SLC35F2: variants seen among roughly 807,000 people sequenced by gnomAD.
SLC35F2 encodes queuine/queuosine transporter SLC35F2.
In SLC35F2, 25 loss-of-function variants were observed where a neutral mutation model predicts 38.1. The ratio of observed to expected loss-of-function variants is 0.66; its 90% CI spans 0.48 to 0.92. The LOEUF (loss-of-function observed/expected upper bound fraction) is 0.92. Ranked by LOEUF, SLC35F2 falls within the 40% of genes least tolerant of loss-of-function variation. The probability of loss-of-function intolerance (pLI) is 0.00; values close to 1 mark genes in which losing one functional copy is unlikely to be tolerated. For synonymous variants in SLC35F2, 173 were observed against 181.7 expected (o/e 0.95, Z 0.38); for missense variants, 409 against 452.9 (o/e 0.90, Z 0.88).
chr11:107,796,767 C>G (rs567047666), intron 7 of SLC35F2, among the ~76,000 whole-genome samples: 1 of 152,276 alleles, frequency 6.6e-6, no homozygotes, highest in Non-Finnish European at 1.5e-5. Context: ...CTCCCAGGCT[C>G]AAGCAATCCT....
At chr11:107,807,219 G>A (rs1435538514) in intron 3 of SLC35F2, among the ~76,000 whole-genome samples, 1 of 140,140 alleles carries the variant, frequency 7.1e-6, no homozygotes, top group African/African-American at 2.6e-5. Context: ...CAGACTGCTT[G>A]AGTCCAGGAG....
intron 7 of SLC35F2, among the ~76,000 whole-genome samples, chr11:107,798,512 T>G (rs956073161): frequency 6.6e-6 from 1 of 152,174 alleles, no homozygotes; most frequent in African/African-American, 2.4e-5. Context: ...ATAAAGAGAT[T>G]AAGTCTCCTG....
At chr11:107,857,226 G>A (rs12418982) in intron 1 of SLC35F2, among the ~76,000 whole-genome samples, 1,648 of 147,088 alleles carry the variant, frequency 0.011, 17 homozygotes, top group Admixed American at 0.041. Context: ...AAAGAAGGAG[G>A]GAGGGAGGGA....
intron 1 of SLC35F2, among the ~76,000 whole-genome samples, chr11:107,843,587 G>A (rs957924937): frequency 6.6e-6 from 1 of 151,556 alleles, no homozygotes; most frequent in African/African-American, 2.4e-5. Context: ...TGAGCAGAGT[G>A]GCTCACGCCT....
chr11:107,806,414 A>G (rs1414706963), intron 4 of SLC35F2, among the ~76,000 whole-genome samples: 15 of 152,246 alleles, frequency 9.9e-5, no homozygotes. Flanking sequence ...ATCCAAAGAG[A>G]CACTTAACTC....
chr11:107,807,686 GCCTCA>G (rs1859419823), intron 3 of SLC35F2, among the ~76,000 whole-genome samples: 4 of 151,636 alleles, frequency 2.6e-5, no homozygotes, highest in Non-Finnish European at 5.9e-5. Context: ...AATTCTTCCT[GCCTCA>G]GCCTCCCAAG....
chr11:107,842,919 C>T (rs1197743778), intron 1 of SLC35F2, among the ~76,000 whole-genome samples: 2 of 152,098 alleles, frequency 1.3e-5, no homozygotes, highest in Non-Finnish European at 2.9e-5. Flanking sequence ...AAATGCCCAT[C>T]AACAGCATGA....
intron 1 of SLC35F2, among the ~76,000 whole-genome samples, chr11:107,856,423 G>A (rs1334726766): frequency 2.6e-5 from 4 of 152,212 alleles, no homozygotes; most frequent in East Asian, 1.9e-4. Flanking sequence ...GGCTGGGCGC[G>A]GTGGCTCACG....
intron 1 of SLC35F2, among the ~76,000 whole-genome samples, chr11:107,837,921 C>G (rs933093110): frequency 2.9e-5 from 4 of 135,698 alleles, no homozygotes; most frequent in Admixed American, 2.4e-4. Flanking sequence ...CCACCTTATA[C>G]ACACATAGTC....
intron 7 of SLC35F2, chr11:107,793,002 C>T: frequency 1.3e-6 from 1 of 775,090 alleles, no homozygotes; most frequent in Non-Finnish European, 1.6e-6. Flanking sequence ...CTGCAACCTC[C>T]ACCTCCCAGG....
At chr11:107,805,155 T>C (rs750213564) in intron 5 of SLC35F2, 53 of 985,262 alleles carry the variant, frequency 5.4e-5, no homozygotes, top group Middle Eastern at 5.2e-4. Context: ...TTTAAGAAAA[T>C]AGGAAGTAAT....
intron 7 of SLC35F2, 37 bp downstream of exon 7, chr11:107,802,955 TGGATCCAAG>T (rs1293867958): frequency 1.3e-6 from 2 of 1,520,280 alleles, no homozygotes; most frequent in Admixed American, 2.3e-5. Context: ...CTACGTTTTT[TGGATCCAAG>T]CAAGTATTCT....
chr11:107,833,580 G>T (rs1185713783), intron 1 of SLC35F2, among the ~76,000 whole-genome samples: 1 of 148,604 alleles, frequency 6.7e-6, no homozygotes, highest in Admixed American at 6.7e-5. Context: ...CTGTTCAAAA[G>T]TATCAGAATC....
At chr11:107,856,338 T>G (rs1382502084) in intron 1 of SLC35F2, among the ~76,000 whole-genome samples, 1 of 152,150 alleles carries the variant, frequency 6.6e-6, no homozygotes, top group Non-Finnish European at 1.5e-5. Context: ...CTTTCCTGCA[T>G]AGTAACCTTG....
intron 2 of SLC35F2, among the ~76,000 whole-genome samples, chr11:107,812,185 C>A (rs185498568): frequency 6.6e-6 from 1 of 152,138 alleles, no homozygotes; most frequent in Non-Finnish European, 1.5e-5. Flanking sequence ...GGATTTCAGG[C>A]GTGAGCTACC....
intron 1 of SLC35F2, among the ~76,000 whole-genome samples, chr11:107,855,041 T>C (rs924502939): frequency 1.3e-5 from 2 of 152,198 alleles, no homozygotes; most frequent in African/African-American, 4.8e-5. Context: ...GAGTACTGGA[T>C]ATCTGGTAAA....
chr11:107,818,056 CAAAAAAAA>C lies in SLC35F2; in HGVS notation c.111-2099_111-2092del, dbSNP rs57787130. Among the ~76,000 whole-genome samples, 19 of 66,156 alleles carry C rather than the reference CAAAAAAAA, an allele frequency of 2.9e-4. 1 individual carries two copies. Among genetic ancestry groups the C allele is most frequent in the Admixed American group, 9.4e-4 (4 of 4,258 alleles). The allele number at this position is 66,156 out of a possible 152,430, so 43.4% of individuals were successfully genotyped here. ...TGAGTGACAGAGCAAGACTCTGTCT[CAAAAAAAA>C]AAAAAAAAAAAGAAAGAAAGAAAGA... On this transcript the variant is annotated intron_variant, in intron 1 of 7. Transcript: ENST00000525815.
chr11:107,850,783 T>C (rs1322808329), intron 1 of SLC35F2, among the ~76,000 whole-genome samples: 2 of 149,192 alleles, frequency 1.3e-5, no homozygotes, highest in African/African-American at 5.0e-5. Context: ...ATCATGCCAC[T>C]GCACTCCAGC....
At chr11:107,812,744 A>G (rs1030045075) in intron 2 of SLC35F2, among the ~76,000 whole-genome samples, 4 of 152,198 alleles carry the variant, frequency 2.6e-5, no homozygotes, top group African/African-American at 9.7e-5. Flanking sequence ...ATTTCTGGAT[A>G]TGAGCTTGTA....
Sources: allele counts gnomAD v4.1 joint callset (sites outside exome capture counted in the v4.1 genomes callset), GRCh38; gene constraint gnomAD v4.1.1; transcripts MANE v1.5; gene names NCBI Gene and HGNC (gene_info 2026-07-23, HGNC 2026-07-21).